FAM184A: variants seen among roughly 807,000 people sequenced by gnomAD.
The protein encoded by FAM184A is protein FAM184A.
FAM184A carries 99 observed loss-of-function variants against 143.8 expected under a neutral mutation model. The ratio of observed to expected loss-of-function variants is 0.69; its 90% CI spans 0.58 to 0.81. The LOEUF (loss-of-function observed/expected upper bound fraction) is 0.81. Ranked by LOEUF, FAM184A falls within the 40% of genes least tolerant of loss-of-function variation. The pLI is 0.00. For missense variants in FAM184A, 1,217 were observed against 1,310.5 expected (o/e 0.93, Z 1.10); for synonymous variants, 427 against 446.4 (o/e 0.96, Z 0.55).
chr6:119,098,993 C>T (rs1241544089), intron 1 of FAM184A, among the ~76,000 whole-genome samples: 2 of 152,118 alleles, frequency 1.3e-5, no homozygotes, highest in African/African-American at 2.4e-5. Flanking sequence ...GCCTATAATC[C>T]CAGCTACTTG....
chr6:119,136,045 G>A (rs1311979748), intron 1 of FAM184A, among the ~76,000 whole-genome samples: 2 of 150,094 alleles, frequency 1.3e-5, no homozygotes, highest in African/African-American at 4.9e-5. Flanking sequence ...TTGGGAGGCC[G>A]AGGCGGGTGG....
At chr6:119,138,816 G>A (rs1486208423) in intron 1 of FAM184A, among the ~76,000 whole-genome samples, 1 of 151,996 alleles carries the variant, frequency 6.6e-6, no homozygotes, top group African/African-American at 2.4e-5. Flanking sequence ...TAGTAGAGAC[G>A]GGGTTTCTCC....
chr6:119,070,006 T>TA (rs1232162403), intron 1 of FAM184A, among the ~76,000 whole-genome samples: 1 of 152,004 alleles, frequency 6.6e-6, no homozygotes, highest in African/African-American at 2.4e-5. Flanking sequence ...AATTAGCAAT[T>TA]AAAAAAATCA....
chr6:119,095,234 A>C (rs1788475410), intron 1 of FAM184A, among the ~76,000 whole-genome samples: 2 of 152,228 alleles, frequency 1.3e-5, no homozygotes, highest in South Asian at 4.1e-4. Context: ...AGCCCTATTC[A>C]TTCTTACCAG....
chr6:118,974,480 A>C lies in FAM184A; in HGVS notation c.2863T>G (p.Phe955Val). Residue 955 changes from phenylalanine to valine, a missense_variant, in exon 14 of 18, where the codon TTT becomes GTT. Transcript: ENST00000338891. The stretch of plus-strand genomic sequence containing the variant: ...TTGAGTAGCTCGTTAGTCTTATTAA[A>C]ATCTGCCCGCATGATATTTTTCTCT... ...LREKNIMRAD[F>V]NKTNELLKEI... 2 of 1,612,946 alleles carry C rather than the reference A, an allele frequency of 1.2e-6. No homozygotes were observed. Among genetic ancestry groups the C allele is most frequent in the South Asian group, 1.1e-5 (1 of 90,898 alleles).
chr6:119,019,863 A>C, intron 4 of FAM184A, 115 bp downstream of exon 4: 1 of 924,186 alleles, frequency 1.1e-6, no homozygotes. Context: ...ATAACTACTA[A>C]AGTAGGAAAT....
chr6:119,102,391 A>G lies in FAM184A; in HGVS notation c.-202+46687T>C, dbSNP rs550759915. The stretch of plus-strand genomic sequence containing the variant: ...GAGGCCTGTGCTTAAAATAATCTCT[A>G]CTTAGAATCAGGTGTATTAGGCAAT... On this transcript the variant is annotated intron_variant, in intron 1 of 16. Transcript: ENST00000352896. Among the ~76,000 whole-genome samples, 69 of 152,288 alleles carry G rather than the reference A, an allele frequency of 4.5e-4. No individual in the cohort carries two copies. The South Asian group carries it at 0.013, about 30-fold the overall frequency.
intron 16 of FAM184A, chr6:118,963,119 T>C (rs983879244): frequency 6.6e-6 from 1 of 152,078 alleles, no homozygotes; most frequent in African/African-American, 2.4e-5. Context: ...AAGTCACTAT[T>C]AGGAGTCAAA....
intron 1 of FAM184A, among the ~76,000 whole-genome samples, chr6:119,073,075 A>G (rs1162212380): frequency 6.6e-6 from 1 of 152,172 alleles, no homozygotes; most frequent in African/African-American, 2.4e-5. Context: ...TTATGAAAAC[A>G]AAGTATATTT....
intron 1 of FAM184A, among the ~76,000 whole-genome samples, chr6:119,073,192 GGTCAGGACAGTTTTA>G (rs1787755961): frequency 6.6e-6 from 1 of 152,174 alleles, no homozygotes; most frequent in Non-Finnish European, 1.5e-5. Context: ...AAGGGTAGCT[GGTCAGGACAGTTTTA>G]GTAGAAGAGC....
rs747818356 is a variant in FAM184A at position 118,961,980 on chromosome 6, A to G, written c.3139-17T>C. ...CTTCTTTTGCTGCATTAAAAATAAT[A>G]CATGTGAGGATAGTCCCTGCATGAG... is the stretch of plus-strand genomic sequence containing the variant. On this transcript the variant is annotated splice_polypyrimidine_tract_variant and intron_variant, in intron 16 of 17. Coordinates refer to ENST00000338891, the MANE Select transcript of FAM184A (RefSeq NM_024581.6). The G allele has an allele frequency of 1.9e-6, 3 of 1,607,720 alleles. No homozygotes were observed. Among genetic ancestry groups the G allele is most frequent in the Admixed American group, 3.3e-5 (2 of 59,944 alleles).
chr6:118,966,861 T>C lies in FAM184A; in HGVS notation c.3007A>G (p.Arg1003Gly). The C allele has an allele frequency of 6.3e-7, 1 of 1,591,382 alleles. No homozygotes were observed. Among genetic ancestry groups the C allele is most frequent in the Non-Finnish European group, 8.6e-7 (1 of 1,162,322 alleles). Reference protein sequence around the residue: ...ITELKAMLTERDQIIKKLIED... With the variant: ...ITELKAMLTEGDQIIKKLIED... ...ATTAGTTTCTTTATGATCTGGTCTC[T>C]TTCTGTAAGCATGGCTTTTAATTCT... is the stretch of plus-strand genomic sequence containing the variant. Residue 1003 changes from arginine (R) to glycine (G), a missense_variant, in exon 15 of 18, where the codon AGA becomes GGA. Physicochemically the swap from Arg to Gly is moderately radical, Grantham distance 125. Transcript: ENST00000338891.
At chr6:118,963,848 G>A (rs778806484) in intron 16 of FAM184A, 6 of 151,948 alleles carry the variant, frequency 3.9e-5, no homozygotes, top group Non-Finnish European at 8.8e-5. Context: ...TATAGGGAAT[G>A]TGATGAAATT....
At position 119,024,191 on chromosome 6, in the gene FAM184A, C is replaced by T. The variant is rs778669337; in HGVS notation, c.782G>A (p.Arg261His). The T allele has an allele frequency of 2.8e-5, 46 of 1,614,064 alleles. No homozygotes were observed. The highest frequency in any genetic ancestry group is 2.5e-4 in the African/African-American group (19 of 74,910). Residue 261 changes from arginine (R) to histidine (H), a missense_variant, in exon 2 of 18, where the codon CGT becomes CAT. By Grantham distance (29) the Arg-to-His change is conservative (BLOSUM62 0). Transcript: ENST00000338891. ...TGACCTTTTCAAAGTATCAAGCTCA[C>T]GTTCATAAAAGGACTGAGCTTTATT... is the stretch of plus-strand genomic sequence containing the variant. ...KLNKAQSFYE[R>H]ELDTLKRSQL...
At chr6:119,058,041 C>T (rs1375308946) in intron 1 of FAM184A, 1 of 151,432 alleles carries the variant, frequency 6.6e-6, no homozygotes, top group East Asian at 1.9e-4. Context: ...ATGTTTTTCC[C>T]TATTCCCTGA....
chr6:119,093,507 A>G (rs981454516), intron 1 of FAM184A, among the ~76,000 whole-genome samples: 1 of 152,144 alleles, frequency 6.6e-6, no homozygotes, highest in Non-Finnish European at 1.5e-5. Flanking sequence ...TTCCTGTCAG[A>G]ATTTTTCTGT....
intron 1 of FAM184A, among the ~76,000 whole-genome samples, chr6:119,062,131 G>T (rs537021516): frequency 6.6e-6 from 1 of 152,168 alleles, no homozygotes; most frequent in South Asian, 2.1e-4. Context: ...ATCAGGGTTA[G>T]CCTTCTTACT....
chr6:119,005,233 T>C (rs1469142947), intron 7 of FAM184A: 1 of 152,156 alleles, frequency 6.6e-6, no homozygotes, highest in Admixed American at 6.6e-5. Context: ...TTTCTTGTTA[T>C]ATATTAACAC....
intron 1 of FAM184A, among the ~76,000 whole-genome samples, chr6:119,031,874 T>C (rs1394705757): frequency 2.0e-5 from 3 of 152,038 alleles, no homozygotes; most frequent in Non-Finnish European, 4.4e-5. Flanking sequence ...TATTTCACAA[T>C]ATAAGAAAAA....
Sources: allele counts gnomAD v4.1 joint callset (sites outside exome capture counted in the v4.1 genomes callset), GRCh38; gene constraint gnomAD v4.1.1; transcripts MANE v1.5; gene names NCBI Gene and HGNC (gene_info 2026-07-23, HGNC 2026-07-21).